Variants in PCNX3 observed in about 807,000 individuals in gnomAD.
PCNX3 encodes pecanex 3.
A neutral mutation model predicts 207.2 loss-of-function variants in PCNX3; 58 were observed. That is an observed-to-expected ratio of 0.28 (90% confidence interval 0.23 to 0.35). The LOEUF is 0.35. Ranked by LOEUF, PCNX3 falls within the 10% of genes least tolerant of loss-of-function variation. PCNX3 has a pLI of 1.00. For synonymous variants in PCNX3, 1,337 were observed against 1,183.5 expected (o/e 1.13, Z -2.66); for missense variants, 2,410 against 2,774.4 (o/e 0.87, Z 2.95).
chr11:65,616,403 C>T lies in PCNX3; in HGVS notation c.92C>T (p.Ser31Phe). 1.2e-6 allele frequency: 2 copies of T among 1,610,848 alleles called. No individual in the cohort carries two copies. The highest frequency in any genetic ancestry group is 1.7e-6 in the Non-Finnish European group (2 of 1,179,514). ...WFFDPHQSTF[S>F]NCFHLYVWIF... Reference sequence around the variant, plus strand: ...TTCGACCCGCACCAGAGCACCTTCTCCAACTGCTTCCACCTCTATGTCTGG... The same window carrying T: ...TTCGACCCGCACCAGAGCACCTTCTTCAACTGCTTCCACCTCTATGTCTGG... Residue 31 changes from serine (S) to phenylalanine (F), a missense_variant, in exon 1 of 35, where the codon TCC becomes TTC. Ser to Phe is a radical substitution (Grantham distance 155). Around this residue, in one of 8 missense-constraint regions of PCNX3, gnomAD observed 1,104 missense variants for 970.3 expected, o/e 1.14. Coordinates refer to ENST00000355703, the MANE Select transcript of PCNX3 (RefSeq NM_032223.4).
rs758813410 is a variant in PCNX3 at position 65,626,128 on chromosome 11, C to T, written c.3379+74C>T. On this transcript the variant is annotated intron_variant, in intron 20 of 34. Transcript: ENST00000355703. ...AGCCTGGCTGGTGGGAGCTGTGGTC[C>T]TCTCGGCTCAGGAGTGCCAGCAGGG... The T allele has an allele frequency of 1.6e-5, 25 of 1,534,412 alleles. No homozygotes were observed. The Middle Eastern group carries it at 1.8e-3, about 112-fold the overall frequency.
Position 65,634,274 on chromosome 11 carries a change from T to C in PCNX3, c.4619T>C (p.Leu1540Pro), listed in dbSNP as rs2135480984. The change falls in exon 28 of 35, where the codon CTC (leucine) becomes CCC (proline). Residue 1540 changes from leucine to proline, a missense_variant. Physicochemically the swap from Leu to Pro is moderately conservative, Grantham distance 98 (BLOSUM62 -3). Coordinates refer to ENST00000355703, the MANE Select transcript of PCNX3 (RefSeq NM_032223.4). ...CTGAGTGTGGATGAGGACTATGACCTCCGCCTGTCTGGCCTCTCGCTGCCC... is the reference window on the plus strand; with the variant it reads ...CTGAGTGTGGATGAGGACTATGACCCCCGCCTGTCTGGCCTCTCGCTGCCC... ...FSLSVDEDYD[L>P]RLSGLSLPSF... The C allele has an allele frequency of 6.2e-7, 1 of 1,612,102 alleles. No homozygotes were observed. The highest frequency in any genetic ancestry group is 1.3e-5 in the African/African-American group (1 of 75,042).
Position 65,617,672 on chromosome 11 carries a change from A to G in PCNX3, c.543A>G (p.Arg181=). 1 of 1,582,908 alleles carries G rather than the reference A, an allele frequency of 6.3e-7. No individual in the cohort carries two copies. The highest frequency in any genetic ancestry group is 8.6e-7 in the Non-Finnish European group (1 of 1,164,346). The change falls in exon 5 of 35, where the codon CGA becomes CGG. Residue 181 remains arginine, a synonymous_variant. Coordinates refer to ENST00000355703, the MANE Select transcript of PCNX3 (RefSeq NM_032223.4). ...ATGTGATCGTGACTTCTGCCGACCG[A>G]GAGATGCTGAAGCTCAGCTCGCAGG... ...SNNVIVTSAD[R]EMLKLSSQEK... is the part of the protein sequence containing the mutation.
intron 26 of PCNX3, 35 bp downstream of exon 26, chr11:65,629,770 C>T (rs1235615996): frequency 6.5e-7 from 1 of 1,540,898 alleles, no homozygotes; most frequent in Non-Finnish European, 8.8e-7. Flanking sequence ...TGGGCAGGCA[C>T]AGCTCGGGCC....
chr11:65,635,486 A>T lies in PCNX3; in HGVS notation c.5184+38A>T. ...CCACCTGCCCTAAGCCCTGCCCCAA[A>T]CCCCCTTGGGCCGGCCCCCTGACCC... is the stretch of plus-strand genomic sequence containing the variant. On this transcript the variant is annotated intron_variant, in intron 31 of 34. Coordinates refer to ENST00000355703, the MANE Select transcript of PCNX3 (RefSeq NM_032223.4). This position sits in a 1 kb window ranked among gnomAD's most constrained non-coding sequence, Gnocchi z 9.9. 1 of 1,604,924 alleles carries T rather than the reference A, an allele frequency of 6.2e-7. No individual in the cohort carries two copies. Among genetic ancestry groups the T allele is most frequent in the Non-Finnish European group, 8.5e-7 (1 of 1,177,088 alleles).
At chr11:65,632,107 G>T (rs1237306097) in intron 27 of PCNX3, among the ~76,000 whole-genome samples, 1 of 152,124 alleles carries the variant, frequency 6.6e-6, no homozygotes, top group African/African-American at 2.4e-5. Context: ...TGCTGTGCCT[G>T]CTAGGCTAGG....
At chr11:65,630,211 G>C in intron 26 of PCNX3, 140 bp from the exon 27 acceptor site, 2 of 1,236,424 alleles carry the variant, frequency 1.6e-6, no homozygotes, top group Non-Finnish European at 2.2e-6. Context: ...CGTGAATCTT[G>C]GCATCCAATA....
In PCNX3 at chr11:65,630,621, T is replaced by G; in HGVS notation, c.4470+17T>G. 3 of 1,599,900 alleles carry G rather than the reference T, an allele frequency of 1.9e-6. No individual in the cohort carries two copies. Among genetic ancestry groups the G allele is most frequent in the Non-Finnish European group, 2.6e-6 (3 of 1,169,426 alleles). ...TATGTCAAGGTACGGTGGGCAGGTG[T>G]GGCCGGGCAGCAGGGCCCTTGCGGG... On this transcript the variant is annotated intron_variant, in intron 27 of 34. Transcript: ENST00000355703.
intron 11 of PCNX3, among the ~76,000 whole-genome samples, chr11:65,623,076 C>T (rs1346934332): frequency 6.6e-6 from 1 of 152,204 alleles, no homozygotes; most frequent in Non-Finnish European, 1.5e-5. Context: ...GAACTTGGGC[C>T]TAGAGCCCAT....
Position 65,635,483 on chromosome 11 carries a change from C to G in PCNX3, c.5184+35C>G, listed in dbSNP as rs1380407058. On this transcript the variant is annotated intron_variant, in intron 31 of 34. Coordinates refer to ENST00000355703, the MANE Select transcript of PCNX3 (RefSeq NM_032223.4). This position sits in a 1 kb window ranked among gnomAD's most constrained non-coding sequence, Gnocchi z 9.9. ...GCCCCACCTGCCCTAAGCCCTGCCC[C>G]AAACCCCCTTGGGCCGGCCCCCTGA... The G allele has an allele frequency of 6.2e-7, 1 of 1,606,926 alleles. No individual in the cohort carries two copies. Among genetic ancestry groups the G allele is most frequent in the Non-Finnish European group, 8.5e-7 (1 of 1,177,828 alleles).
In PCNX3 at chr11:65,623,975, G is replaced by A; in HGVS notation, c.2544+14G>A. 6.2e-7 allele frequency: 1 copy of A among 1,610,886 alleles called. No homozygotes were observed. Among genetic ancestry groups the A allele is most frequent in the Non-Finnish European group, 8.5e-7 (1 of 1,179,870 alleles). On this transcript the variant is annotated intron_variant, in intron 13 of 34. Transcript: ENST00000355703. ...TCCCCCATGCACGTGAGTACCCATG[G>A]AGCAGCGCCTCTGGCCAGGAGGCCC...
At chr11:65,630,015 C>G (rs917319789) in intron 26 of PCNX3, among the ~76,000 whole-genome samples, 1 of 152,240 alleles carries the variant, frequency 6.6e-6, no homozygotes, top group African/African-American at 2.4e-5. Context: ...AGTTCTCACA[C>G]CCAGCCTGCT....
At chr11:65,622,783 T>C (rs1855177291) in intron 11 of PCNX3, among the ~76,000 whole-genome samples, 1 of 151,798 alleles carries the variant, frequency 6.6e-6, no homozygotes, top group Admixed American at 6.6e-5. Flanking sequence ...TTTTTTTTTT[T>C]AGTAGAGATG....
Position 65,634,572 on chromosome 11 carries a change from C to T in PCNX3, c.4736C>T (p.Thr1579Met), listed in dbSNP as rs746680839. 4.4e-6 allele frequency: 7 copies of T among 1,604,166 alleles called. No individual in the cohort carries two copies. Among genetic ancestry groups the T allele is most frequent in the Non-Finnish European group, 5.1e-6 (6 of 1,178,166 alleles). ...CAGGATTGGAACTCCCCGCTGGTCA[C>T]GCTGTGTTTTGGCCTGTGTGTGCTG... The part of the protein sequence containing the change: ...VDQDWNSPLV[T>M]LCFGLCVLGR... The change falls in exon 29 of 35, where the codon ACG becomes ATG. Residue 1579 changes from threonine (T) to methionine (M), a missense_variant. Coordinates refer to ENST00000355703, the MANE Select transcript of PCNX3 (RefSeq NM_032223.4).
Position 65,636,698 on chromosome 11 carries a change from C to A in PCNX3, c.5892+9C>A. ...GTACCCCCAAATCTCAGGTAAGGCA[C>A]CTGTGGGAGGGTTGGGTCCCAGAAG... On this transcript the variant is annotated intron_variant, in intron 34 of 34. Transcript: ENST00000355703. The A allele has an allele frequency of 6.4e-7, 1 of 1,571,812 alleles. No homozygotes were observed.
At position 65,620,746 on chromosome 11, in the gene PCNX3, C is replaced by T. The variant is rs1855043548; in HGVS notation, c.2100-85C>T. 7 of 1,529,730 alleles carry T rather than the reference C, an allele frequency of 4.6e-6. No homozygotes were observed. The Admixed American group carries it at 1.4e-4, about 30-fold the overall frequency. The allele number at this position is 1,529,730 out of a possible 1,614,324, so 94.8% of individuals were successfully genotyped here. A position where few individuals can be genotyped will look rare whatever the true frequency, so the allele number is the denominator to read the frequency against. On this transcript the variant is annotated intron_variant, in intron 9 of 34. Coordinates refer to ENST00000355703, the MANE Select transcript of PCNX3 (RefSeq NM_032223.4). ...GTTGGTCTCGGCACAGACAGCCCTA[C>T]CTGCCTGGCCTTGGCCTCGGCCTCG...
At chr11:65,627,682 C>T (rs766366436) in intron 22 of PCNX3, 100 bp downstream of exon 22, 76 of 1,405,556 alleles carry the variant, frequency 5.4e-5, no homozygotes, top group Admixed American at 1.4e-4. Context: ...CTGTGGCCAC[C>T]GCTCTGTATC....
In PCNX3 at chr11:65,616,826, C is replaced by T. The variant is rs1854758580; in HGVS notation, c.156C>T (p.Val52=). Residue 52 remains valine (V), a splice_region_variant and synonymous_variant, in exon 2 of 35, where the codon GTC becomes GTT. Transcript: ENST00000355703. ...LLIFPFLLYM[V]LPPSLMVAGV... ...ACCTGGCTTACTTTCATCTTCAGGT[C>T]CTGCCTCCCAGCTTGATGGTGGCCG... 2.5e-6 allele frequency: 4 copies of T among 1,610,256 alleles called. No homozygotes were observed. In the East Asian group the frequency reaches 8.9e-5, roughly 36 times the overall value.
chr11:65,627,686 C>T lies in PCNX3; in HGVS notation c.3702+104C>T. The stretch of plus-strand genomic sequence containing the variant: ...TTCCTGAGGGCCTGTGGCCACCGCT[C>T]TGTATCAGCCCCGTGGGCCTTTGCA... On this transcript the variant is annotated intron_variant, in intron 22 of 34. Coordinates refer to ENST00000355703, the MANE Select transcript of PCNX3 (RefSeq NM_032223.4). 7 of 1,378,758 alleles carry T rather than the reference C, an allele frequency of 5.1e-6. No homozygotes were observed. The East Asian group carries it at 1.4e-4, about 27-fold the overall frequency. 85.4% of individuals were successfully genotyped at this position (1,378,758 alleles called of 1,614,324 possible).
Sources: gnomAD v4.1 joint callset for allele counts (sites outside exome capture counted in the v4.1 genomes callset) on GRCh38, gnomAD v4.1.1 for gene constraint, gnomAD v4.1.1 regional missense constraint, Gnocchi (gnomAD v3.1) non-coding constraint, MANE v1.5 for transcripts, NCBI Gene and HGNC (gene_info 2026-07-23, HGNC 2026-07-21) for gene names.